PDE9A: variants seen among roughly 807,000 people sequenced by gnomAD.
PDE9A encodes the protein high affinity cGMP-specific 3',5'-cyclic phosphodiesterase 9A.
In PDE9A, 60 loss-of-function variants were observed where a neutral mutation model predicts 87.4. The ratio of observed to expected loss-of-function variants is 0.69; its 90% CI spans 0.56 to 0.85. PDE9A has a LOEUF of 0.85. Ranked by LOEUF, PDE9A falls within the 40% of genes least tolerant of loss-of-function variation. The pLI is 0.00. For missense variants in PDE9A, 665 were observed against 779.0 expected (o/e 0.85, Z 1.74); for synonymous variants, 272 against 279.4 (o/e 0.97, Z 0.27).
chr21:42,757,570 A>C (rs2055207916), intron 10 of PDE9A: 1 of 152,208 alleles, frequency 6.6e-6, no homozygotes, highest in Non-Finnish European at 1.5e-5. Flanking sequence ...TCAGTTCTGG[A>C]GCTGGAAGTC....
intron 7 of PDE9A, among the ~76,000 whole-genome samples, chr21:42,742,148 G>A (rs929490628): frequency 6.6e-6 from 1 of 152,136 alleles, no homozygotes; most frequent in Non-Finnish European, 1.5e-5. Context: ...GTTTTTGGTT[G>A]AAAAATAGTA....
At chr21:42,750,299 A>G (rs1436603373) in intron 8 of PDE9A, among the ~76,000 whole-genome samples, 1 of 152,214 alleles carries the variant, frequency 6.6e-6, no homozygotes, top group Non-Finnish European at 1.5e-5. Flanking sequence ...TATCTCTACA[A>G]AAAATAAAAA....
chr21:42,774,960 G>A (rs918942014), intron 19 of PDE9A, among the ~76,000 whole-genome samples: 1 of 146,848 alleles, frequency 6.8e-6, no homozygotes, highest in Non-Finnish European at 1.5e-5. Flanking sequence ...CTTCTTTTGT[G>A]AGACGGAGTC....
At chr21:42,671,603 G>A (rs754503541) in intron 1 of PDE9A, among the ~76,000 whole-genome samples, 11 of 152,224 alleles carry the variant, frequency 7.2e-5, no homozygotes, top group South Asian at 2.1e-4. Context: ...GAGGTAAATT[G>A]CAGATGAATT....
chr21:42,713,105 G>T (rs766582769), intron 4 of PDE9A, among the ~76,000 whole-genome samples: 85 of 151,758 alleles, frequency 5.6e-4, no homozygotes, highest in Non-Finnish European at 1.0e-3. Flanking sequence ...CCTCTCCCTG[G>T]TGTGTTTGCT....
chr21:42,746,353 G>A (rs1385154694), intron 8 of PDE9A, among the ~76,000 whole-genome samples: 1 of 152,194 alleles, frequency 6.6e-6, no homozygotes, highest in Non-Finnish European at 1.5e-5. Flanking sequence ...CATAGTTCTG[G>A]AGGCCACAAG....
At chr21:42,732,900 A>G (rs2051979582) in intron 6 of PDE9A, among the ~76,000 whole-genome samples, 1 of 152,206 alleles carries the variant, frequency 6.6e-6, no homozygotes, top group South Asian at 2.1e-4. Context: ...GGCAAGAGTG[A>G]CACTCTGTCT....
chr21:42,670,415 CACACGCACTT>C (rs879911428), intron 1 of PDE9A, among the ~76,000 whole-genome samples: 30,841 of 142,480 alleles, frequency 0.22, 5,485 homozygotes, highest in African/African-American at 0.55. Flanking sequence ...CACATACATT[CACACGCACTT>C]ACAGTCACAC....
At chr21:42,730,706 C>A (rs947009760) in intron 4 of PDE9A, among the ~76,000 whole-genome samples, 3 of 152,094 alleles carry the variant, frequency 2.0e-5, no homozygotes, top group Non-Finnish European at 4.4e-5. Context: ...AGCAAAATAT[C>A]ATTCCAGATA....
At chr21:42,758,576 T>C (rs1376365192) in intron 10 of PDE9A, 3 of 170,838 alleles carry the variant, frequency 1.8e-5, no homozygotes, top group Non-Finnish European at 3.8e-5. Context: ...GATGGAACTG[T>C]GTCCTAGACC....
intron 1 of PDE9A, among the ~76,000 whole-genome samples, chr21:42,680,386 G>A (rs146331338): frequency 6.6e-5 from 10 of 152,242 alleles, no homozygotes; most frequent in African/African-American, 2.2e-4. Context: ...ACAGCTGGCC[G>A]GCAGAGGTCC....
intron 4 of PDE9A, among the ~76,000 whole-genome samples, chr21:42,725,827 A>G (rs2146639572): frequency 6.6e-6 from 1 of 152,340 alleles, no homozygotes; most frequent in Middle Eastern, 3.4e-3. Flanking sequence ...TTGTGTGAAC[A>G]TCAGTTCTCC....
intron 9 of PDE9A, among the ~76,000 whole-genome samples, chr21:42,751,616 A>G (rs1244649589): frequency 6.6e-6 from 1 of 152,186 alleles, no homozygotes; most frequent in Non-Finnish European, 1.5e-5. Context: ...TCTTAGTTCT[A>G]AGAGAAGCTG....
chr21:42,724,514 T>C, intron 4 of PDE9A: 1 of 796,126 alleles, frequency 1.3e-6, no homozygotes, highest in Non-Finnish European at 1.5e-6. Flanking sequence ...GTGGGTGTGG[T>C]TGGCCTTTGT....
chr21:42,704,440 A>ACAC lies in PDE9A; in HGVS notation c.262+5430_262+5432dup, dbSNP rs1555914684. ...ACCCCCCCCACCCCACCAAACACAC[A>ACAC]CACACACACACACACACACACACAC... On this transcript the variant is annotated intron_variant, in intron 4 of 19. Coordinates refer to ENST00000291539, the MANE Select transcript of PDE9A (RefSeq NM_002606.3). The surrounding 1 kb of genome is among the most constrained non-coding windows in gnomAD (Gnocchi z 5.3). Among the ~76,000 whole-genome samples, 1 of 150,138 alleles carries ACAC rather than the reference A, an allele frequency of 6.7e-6. No individual in the cohort carries two copies. Among genetic ancestry groups the ACAC allele is most frequent in the African/African-American group, 2.5e-5 (1 of 40,576 alleles).
At chr21:42,732,548 G>A (rs1180735738) in intron 6 of PDE9A, among the ~76,000 whole-genome samples, 2 of 152,212 alleles carry the variant, frequency 1.3e-5, no homozygotes, top group Non-Finnish European at 2.9e-5. Context: ...TTCTCAAACT[G>A]ACTTCTCTGT....
At chr21:42,668,034 C>G (rs1357917538) in intron 1 of PDE9A, among the ~76,000 whole-genome samples, 1 of 152,170 alleles carries the variant, frequency 6.6e-6, no homozygotes, top group Non-Finnish European at 1.5e-5. Flanking sequence ...GGATTCCACT[C>G]CTGTCTGCCT....
intron 17 of PDE9A, among the ~76,000 whole-genome samples, chr21:42,769,538 GCACACAAATGCACACACAGGCA>G (rs2056776103): frequency 1.1e-5 from 1 of 93,886 alleles, no homozygotes; most frequent in Admixed American, 1.2e-4. Flanking sequence ...GCACACACAG[GCACACAAATGCACACACAGGCA>G]CACACACACA....
At chr21:42,730,164 G>A (rs1414916066) in intron 4 of PDE9A, among the ~76,000 whole-genome samples, 1 of 152,196 alleles carries the variant, frequency 6.6e-6, no homozygotes, top group African/African-American at 2.4e-5. Flanking sequence ...GATTCTTGTT[G>A]ATGGGAGCCA....
Sources: allele counts gnomAD v4.1 joint callset (sites outside exome capture counted in the v4.1 genomes callset), GRCh38; gene constraint gnomAD v4.1.1; non-coding constraint Gnocchi (gnomAD v3.1); transcripts MANE v1.5; gene names NCBI Gene and HGNC (gene_info 2026-07-23, HGNC 2026-07-21).